Variants in GRID2 observed in about 807,000 individuals in gnomAD.
GRID2 encodes glutamate ionotropic receptor delta type subunit 2.
In GRID2, 33 loss-of-function variants were observed where a neutral mutation model predicts 114.8. The ratio of observed to expected loss-of-function variants is 0.29; its 90% confidence interval spans 0.22 to 0.38. The LOEUF (loss-of-function observed/expected upper bound fraction) is 0.38, where lower values mean the gene tolerates loss of function less well. Ranked by LOEUF, GRID2 falls within the 10% of genes least tolerant of loss-of-function variation. The probability of loss-of-function intolerance (pLI) is 1.00; values close to 1 mark genes in which losing one functional copy is unlikely to be tolerated. For synonymous variants in GRID2, 505 were observed against 449.9 expected, an observed-to-expected ratio of 1.12 and a Z score of -1.55; for missense variants, 1,184 against 1,257.7, an observed-to-expected ratio of 0.94 and a Z score of 0.89.
intron 1 of GRID2, among the ~76,000 whole-genome samples, chr4:92,540,230 G>T (rs1394568293): frequency 2.0e-5 from 3 of 152,210 alleles, no homozygotes; most frequent in East Asian, 1.9e-4. Context: ...CAGGACATAG[G>T]CATAGGCAAG....
At chr4:93,508,292 G>C (rs933499487) in intron 12 of GRID2, among the ~76,000 whole-genome samples, 2 of 151,288 alleles carry the variant, frequency 1.3e-5, no homozygotes, top group African/African-American at 4.9e-5. Flanking sequence ...CTGCCTCCGG[G>C]TTCAAGCGAT....
At chr4:93,532,754 T>G (rs1347221664) in intron 13 of GRID2, among the ~76,000 whole-genome samples, 2 of 152,168 alleles carry the variant, frequency 1.3e-5, no homozygotes, top group Non-Finnish European at 2.9e-5. Context: ...TTGGACAAAT[T>G]TCCTTTCTGC....
intron 12 of GRID2, among the ~76,000 whole-genome samples, chr4:93,510,338 G>A (rs1729041032): frequency 6.6e-6 from 1 of 152,092 alleles, no homozygotes; most frequent in Non-Finnish European, 1.5e-5. Flanking sequence ...GATGGAGATG[G>A]GACAGAGAGG....
intron 6 of GRID2, 34 bp downstream of exon 6, chr4:93,216,945 G>A (rs1436756467): frequency 1.3e-6 from 2 of 1,502,712 alleles, no homozygotes; most frequent in South Asian, 1.1e-5. Context: ...TTCTTCCAGG[G>A]TGCTTTGTTG....
chr4:92,490,525 G>T (rs1723100528), intron 1 of GRID2, among the ~76,000 whole-genome samples: 1 of 152,078 alleles, frequency 6.6e-6, no homozygotes, highest in African/African-American at 2.4e-5. Flanking sequence ...TTCCCAAGAT[G>T]ATTTAGACTC....
intron 1 of GRID2, among the ~76,000 whole-genome samples, chr4:92,503,137 A>G (rs1266604301): frequency 1.3e-5 from 2 of 152,166 alleles, no homozygotes; most frequent in Non-Finnish European, 2.9e-5. Context: ...GAAAGCCTGT[A>G]CTAATTATGT....
At position 92,826,839 on chromosome 4, in the gene GRID2, G is replaced by C. The variant is rs575863778; in HGVS notation, c.244+236553G>C. 4.6e-5 allele frequency among the ~76,000 whole-genome samples: 7 copies of C among 152,122 alleles called. No individual in the cohort carries two copies. In the South Asian group the frequency reaches 6.2e-4, roughly 14 times the overall value. ...ACAATTAGAAAGACTTAGGCAATCT[G>C]ATTTTATAGACTGGTAATTGGTTTG... is the stretch of plus-strand genomic sequence containing the variant. On this transcript the variant is annotated intron_variant, in intron 2 of 15. Transcript: ENST00000282020.
intron 2 of GRID2, among the ~76,000 whole-genome samples, chr4:92,693,726 G>A (rs17019782): frequency 0.077 from 11,771 of 152,160 alleles, 486 homozygotes; most frequent in East Asian, 0.088. Flanking sequence ...CACAAGAAGA[G>A]AGAAAATGGT....
intron 2 of GRID2, among the ~76,000 whole-genome samples, chr4:93,038,525 T>C (rs1725149382): frequency 6.6e-6 from 1 of 152,136 alleles, no homozygotes; most frequent in Admixed American, 6.6e-5. Flanking sequence ...GTGTGGTGGC[T>C]CACGCCTGTA....
intron 9 of GRID2, among the ~76,000 whole-genome samples, chr4:93,406,253 T>C (rs2171000): frequency 2.0e-5 from 3 of 152,140 alleles, no homozygotes; most frequent in Non-Finnish European, 2.9e-5. Flanking sequence ...TGGACTTTGA[T>C]ACCTAAAAGG....
intron 9 of GRID2, among the ~76,000 whole-genome samples, chr4:93,412,539 G>A (rs1431700393): frequency 6.6e-6 from 1 of 152,102 alleles, no homozygotes; most frequent in Non-Finnish European, 1.5e-5. Flanking sequence ...ACAATTATTA[G>A]ATGAGATAAT....
chr4:93,198,981 GAATT>G (rs1741795600), intron 4 of GRID2, among the ~76,000 whole-genome samples: 2 of 152,140 alleles, frequency 1.3e-5, no homozygotes. Flanking sequence ...TCATACTTAA[GAATT>G]AATTTACTCT....
intron 2 of GRID2, among the ~76,000 whole-genome samples, chr4:92,974,955 A>G (rs1266344702): frequency 1.3e-5 from 2 of 151,690 alleles, no homozygotes; most frequent in East Asian, 3.9e-4. Flanking sequence ...CAGGAGATCT[A>G]CACCATCCTG....
chr4:92,538,517 G>C (rs1011646799), intron 1 of GRID2, among the ~76,000 whole-genome samples: 1 of 152,100 alleles, frequency 6.6e-6, no homozygotes, highest in African/African-American at 2.4e-5. Flanking sequence ...ATGACTTGGA[G>C]CTCCACAAAG....
intron 2 of GRID2, among the ~76,000 whole-genome samples, chr4:92,645,990 T>C (rs1008882306): frequency 2.0e-5 from 3 of 151,732 alleles, no homozygotes; most frequent in South Asian, 4.1e-4. Context: ...AGGAGTAGAA[T>C]TGGTGGGTCA....
At chr4:92,458,465 C>G (rs1401819366) in intron 1 of GRID2, among the ~76,000 whole-genome samples, 1 of 152,160 alleles carries the variant, frequency 6.6e-6, no homozygotes, top group Non-Finnish European at 1.5e-5. Context: ...CACAGTGGCA[C>G]ATGGAGTCCC....
intron 1 of GRID2, among the ~76,000 whole-genome samples, chr4:92,472,378 A>C (rs1418687066): frequency 6.6e-6 from 1 of 152,116 alleles, no homozygotes; most frequent in Non-Finnish European, 1.5e-5. Flanking sequence ...TTACAAATAG[A>C]GCTGCTATGA....
At chr4:92,865,920 A>C (rs139337797) in intron 2 of GRID2, among the ~76,000 whole-genome samples, 1 of 152,356 alleles carries the variant, frequency 6.6e-6, no homozygotes, top group Non-Finnish European at 1.5e-5. Context: ...TATACTAGTG[A>C]TGAATTATTT....
At chr4:93,732,723 G>A (rs779491893) in intron 14 of GRID2, among the ~76,000 whole-genome samples, 2 of 152,084 alleles carry the variant, frequency 1.3e-5, no homozygotes, top group Non-Finnish European at 2.9e-5. Context: ...TTCTCCCACA[G>A]TGGACCTCTT....
Sources: allele counts gnomAD v4.1 joint callset (sites outside exome capture counted in the v4.1 genomes callset), GRCh38; gene constraint gnomAD v4.1.1; transcripts MANE v1.5; gene names NCBI Gene and HGNC (gene_info 2026-07-23, HGNC 2026-07-21).